ATP10A: variants seen among roughly 807,000 people sequenced by gnomAD.
ATP10A encodes ATPase phospholipid transporting 10A (putative).
In ATP10A, 111 loss-of-function variants were observed where a neutral mutation model predicts 147.8. The observed-to-expected ratio is 0.75, with a 90% CI of 0.64 to 0.88. The LOEUF (loss-of-function observed/expected upper bound fraction) is 0.88, where lower values mean the gene tolerates loss of function less well. ATP10A is among the 40% of genes least tolerant of loss of function. The probability of loss-of-function intolerance (pLI) is 0.00; values close to 1 mark genes in which losing one functional copy is unlikely to be tolerated. For synonymous variants in ATP10A, 875 were observed against 841.6 expected (o/e 1.04, Z -0.69); for missense variants, 1,927 against 1,959.0 (o/e 0.98, Z 0.31).
At chr15:25,691,942 C>T in intron 14 of ATP10A, 151 bp from the exon 15 acceptor site, 1 of 844,298 alleles carries the variant, frequency 1.2e-6, no homozygotes, top group Non-Finnish European at 2.0e-6. Flanking sequence ...GAGCATCCAC[C>T]CTGGGAGAAT....
At chr15:25,852,565 GT>G (rs1259206899) in intron 1 of ATP10A, among the ~76,000 whole-genome samples, 1 of 110,862 alleles carries the variant, frequency 9.0e-6, no homozygotes, top group Non-Finnish European at 2.3e-5. Context: ...CTCCTCCGAA[GT>G]TCCCTTCTCT....
chr15:25,781,372 T>C (rs1478813755), intron 1 of ATP10A, 149 bp from the exon 2 acceptor site: 2 of 731,514 alleles, frequency 2.7e-6, no homozygotes, highest in Non-Finnish European at 4.5e-6. Flanking sequence ...AAAAAGAATA[T>C]TTGGCCGGGT....
In ATP10A at chr15:25,680,111, C is replaced by T. The variant is rs373211392; in HGVS notation, c.3866+10G>A. The T allele has an allele frequency of 7.0e-4, 1,121 of 1,612,382 alleles. 1 individual carries two copies. Among genetic ancestry groups the T allele is most frequent in the Middle Eastern group, 1.1e-3 (6 of 5,396 alleles). On this transcript the variant is annotated intron_variant, in intron 20 of 20. Coordinates refer to ENST00000555815, the MANE Select transcript of ATP10A (RefSeq NM_024490.4). Reference sequence around the variant, plus strand: ...GGGGCTCAGAGGCACTATCCCGCTCCGACACCCACCTGGGCAGCAGTGCAG... The same window carrying T: ...GGGGCTCAGAGGCACTATCCCGCTCTGACACCCACCTGGGCAGCAGTGCAG...
chr15:25,828,829 T>C (rs540176745), intron 1 of ATP10A, among the ~76,000 whole-genome samples: 2 of 152,230 alleles, frequency 1.3e-5, no homozygotes, highest in Non-Finnish European at 1.5e-5. Context: ...GTTTTACATG[T>C]GCTGTTGTAA....
chr15:25,721,435 G>A (rs531543984), intron 7 of ATP10A, among the ~76,000 whole-genome samples: 21 of 152,276 alleles, frequency 1.4e-4, no homozygotes, highest in South Asian at 1.0e-3. Flanking sequence ...GGAACAGGGC[G>A]GGCGGCCGTG....
intron 1 of ATP10A, among the ~76,000 whole-genome samples, chr15:25,824,124 G>A (rs1892006785): frequency 6.8e-6 from 1 of 147,030 alleles, no homozygotes; most frequent in Non-Finnish European, 1.5e-5. Flanking sequence ...AACATTTATA[G>A]ATTACACTTC....
At chr15:25,801,318 G>A (rs1390332609) in intron 1 of ATP10A, among the ~76,000 whole-genome samples, 1 of 152,180 alleles carries the variant, frequency 6.6e-6, no homozygotes, top group African/African-American at 2.4e-5. Flanking sequence ...AGAGGAGCGA[G>A]GGGTGGGAGC....
rs370054298 is a variant in ATP10A, at chr15:25,723,907, A to G, written c.1094T>C (p.Met365Thr). The change falls in exon 6 of 21, where the codon ATG becomes ACG. Residue 365 changes from methionine (M) to threonine (T), a missense_variant. Transcript: ENST00000555815. ...VTAAVYSFLT[M>T]IIVLQVLIPI... ...TATTGTTACCTGCAGAACTATTATC[A>G]TTGTTAAAAATGAGTAAACTGCAGC... is the stretch of plus-strand genomic sequence containing the variant. 1.5e-5 allele frequency: 24 copies of G among 1,603,698 alleles called. No homozygotes were observed. The highest frequency in any genetic ancestry group is 1.9e-5 in the Non-Finnish European group (22 of 1,176,970).
intron 1 of ATP10A, among the ~76,000 whole-genome samples, chr15:25,784,412 CT>C (rs1361178523): frequency 6.6e-6 from 1 of 152,220 alleles, no homozygotes; most frequent in Non-Finnish European, 1.5e-5. Context: ...TTTCCATCTG[CT>C]TTGTAATCAT....
intron 2 of ATP10A, among the ~76,000 whole-genome samples, chr15:25,741,277 T>A (rs1887569927): frequency 6.6e-6 from 1 of 152,124 alleles, no homozygotes. Flanking sequence ...GGATCTCAGG[T>A]GCCACAAGCT....
chr15:25,860,787 C>A (rs964580586), intron 1 of ATP10A, among the ~76,000 whole-genome samples: 2 of 152,160 alleles, frequency 1.3e-5, no homozygotes, highest in Non-Finnish European at 2.9e-5. Flanking sequence ...GTTTCCTCAT[C>A]GGCAAGATGG....
Position 25,694,893 on chromosome 15 carries a change from C to G in ATP10A, c.3014G>C (p.Arg1005Pro). Reference sequence around the variant, plus strand: ...CATGCTCTTCTGCAGAGGCGTCGACCGACAGCAGAGGACGGAGCGGCACTG... The same window carrying G: ...CATGCTCTTCTGCAGAGGCGTCGACGGACAGCAGAGGACGGAGCGGCACTG... ...AKQCRSVLCC[R>P]STPLQKSMVV... The change falls in exon 14 of 21, where the codon CGG (arginine) becomes CCG (proline). Residue 1005 changes from arginine to proline, a missense_variant. Coordinates refer to ENST00000555815, the MANE Select transcript of ATP10A (RefSeq NM_024490.4). 6.2e-7 allele frequency: 1 copy of G among 1,614,116 alleles called. No homozygotes were observed. The highest frequency in any genetic ancestry group is 1.1e-5 in the South Asian group (1 of 91,080).
intron 9 of ATP10A, among the ~76,000 whole-genome samples, 199 bp downstream of exon 9, chr15:25,716,531 A>G (rs1242996520): frequency 1.3e-5 from 2 of 152,106 alleles, no homozygotes; most frequent in African/African-American, 2.4e-5. Context: ...CCTGCCCACT[A>G]TAGCCTGGGG....
intron 1 of ATP10A, among the ~76,000 whole-genome samples, chr15:25,831,243 C>T (rs1490978052): frequency 2.6e-5 from 4 of 152,144 alleles, no homozygotes; most frequent in Non-Finnish European, 4.4e-5. Flanking sequence ...GGCTCCACCC[C>T]GTATGAGATT....
intron 12 of ATP10A, 51 bp downstream of exon 12, chr15:25,707,925 T>C: frequency 1.3e-6 from 2 of 1,599,528 alleles, no homozygotes; most frequent in Non-Finnish European, 1.7e-6. Flanking sequence ...TCCAGGGCCG[T>C]CCCTGCAAAC....
chr15:25,729,645 C>G (rs918058963), intron 3 of ATP10A, among the ~76,000 whole-genome samples: 1 of 152,160 alleles, frequency 6.6e-6, no homozygotes, highest in Non-Finnish European at 1.5e-5. Context: ...GAAGGGGTGG[C>G]TTCTGTGGTT....
intron 2 of ATP10A, among the ~76,000 whole-genome samples, chr15:25,747,900 T>G (rs1887929689): frequency 6.6e-6 from 1 of 152,270 alleles, no homozygotes; most frequent in South Asian, 2.1e-4. Context: ...GGCTTTATAC[T>G]AAAACACAAT....
At chr15:25,727,378 T>A in intron 3 of ATP10A, 112 bp from the exon 4 acceptor site, 3 of 970,710 alleles carry the variant, frequency 3.1e-6, no homozygotes, top group Middle Eastern at 3.2e-4. Flanking sequence ...TTGGGGCCGC[T>A]GGGATCTGGA....
intron 1 of ATP10A, among the ~76,000 whole-genome samples, chr15:25,812,727 T>C (rs979383780): frequency 6.6e-6 from 1 of 152,208 alleles, no homozygotes; most frequent in Non-Finnish European, 1.5e-5. Context: ...GCATGATTAT[T>C]CTCTCTTGGC....
Sources: gnomAD v4.1 joint callset for allele counts (sites outside exome capture counted in the v4.1 genomes callset) on GRCh38, gnomAD v4.1.1 for gene constraint, MANE v1.5 for transcripts, NCBI Gene and HGNC (gene_info 2026-07-23, HGNC 2026-07-21) for gene names.